Variants in IFNAR1 observed in about 807,000 individuals in gnomAD.
The protein encoded by IFNAR1 is interferon alpha/beta receptor 1.
A neutral mutation model predicts 62.1 loss-of-function variants in IFNAR1; 47 were observed. The observed-to-expected ratio is 0.76, with a 90% CI of 0.60 to 0.97. The LOEUF (loss-of-function observed/expected upper bound fraction) is 0.97. Ranked by LOEUF, IFNAR1 falls within the 50% of genes least tolerant of loss-of-function variation. IFNAR1 has a pLI of 0.00. For missense variants in IFNAR1, 638 were observed against 654.5 expected (o/e 0.97, Z 0.27); for synonymous variants, 219 against 226.9 (o/e 0.97, Z 0.31).
chr21:33,336,516 T>A (rs2123670990), intron 2 of IFNAR1, among the ~76,000 whole-genome samples: 1 of 151,172 alleles, frequency 6.6e-6, no homozygotes, highest in East Asian at 2.0e-4. Flanking sequence ...TCCACAATGG[T>A]TGAACTAGTT....
chr21:33,349,922 TA>T lies in IFNAR1; in HGVS notation c.1143+391del, dbSNP rs113802899. On this transcript the variant is annotated intron_variant, in intron 8 of 10. Transcript: ENST00000270139. ...GACAGAGTGACTGACAGCTTGTCTTTAAAAAAAAAAAATGTGATTAACTCAG... is the reference window on the plus strand; with the variant it reads ...GACAGAGTGACTGACAGCTTGTCTTTAAAAAAAAAAATGTGATTAACTCAG... 2.2e-3 allele frequency among the ~76,000 whole-genome samples: 313 copies of T among 145,394 alleles called. 3 individuals carry two copies. Among genetic ancestry groups the T allele is most frequent in the African/African-American group, 5.1e-3 (203 of 39,894 alleles).
chr21:33,325,068 C>G lies in IFNAR1; in HGVS notation c.13C>G (p.Leu5Val), dbSNP rs1401132041. The change falls in exon 1 of 11, where the codon CTC becomes GTC. Residue 5 changes from leucine (L) to valine (V), a missense_variant. Transcript: ENST00000270139. ...CGGCGGCTCCCAGATGATGGTCGTC[C>G]TCCTGGGCGCGACGACCCTAGTGCT... Reference protein sequence around the residue: MMVVLLGATTLVLVA... With the variant: MMVVVLGATTLVLVA... 1 of 1,607,300 alleles carries G rather than the reference C, an allele frequency of 6.2e-7. No homozygotes were observed. Among genetic ancestry groups the G allele is most frequent in the Non-Finnish European group, 8.5e-7 (1 of 1,177,916 alleles).
chr21:33,326,861 T>A (rs529351854), intron 1 of IFNAR1, among the ~76,000 whole-genome samples: 13 of 152,236 alleles, frequency 8.5e-5, no homozygotes, highest in Admixed American at 2.6e-4. Context: ...TTGCTGAAAT[T>A]CTTCATACTT....
chr21:33,353,570 C>A, intron 9 of IFNAR1, 68 bp from the exon 10 acceptor site: 1 of 813,854 alleles, frequency 1.2e-6, no homozygotes, highest in Non-Finnish European at 1.9e-6. Flanking sequence ...GTCTTTCACA[C>A]AGCTGTCAGC....
At chr21:33,332,734 T>C (rs561905038) in intron 1 of IFNAR1, among the ~76,000 whole-genome samples, 1 of 152,174 alleles carries the variant, frequency 6.6e-6, no homozygotes, top group East Asian at 1.9e-4. Flanking sequence ...ATTTAAAAAA[T>C]ACAATAAAGA....
At chr21:33,345,057 G>A (rs2083332545) in intron 5 of IFNAR1, among the ~76,000 whole-genome samples, 189 bp from the exon 6 acceptor site, 3 of 152,140 alleles carry the variant, frequency 2.0e-5, no homozygotes, top group African/African-American at 7.2e-5. Context: ...CAAAGTTCTG[G>A]GATTACAGGT....
At chr21:33,325,681 G>A (rs1441398261) in intron 1 of IFNAR1, among the ~76,000 whole-genome samples, 1 of 152,188 alleles carries the variant, frequency 6.6e-6, no homozygotes, top group Non-Finnish European at 1.5e-5. Flanking sequence ...CCACAAACAC[G>A]TCTGTGACTG....
intron 5 of IFNAR1, among the ~76,000 whole-genome samples, chr21:33,345,031 A>G (rs1402111938): frequency 6.6e-6 from 1 of 152,060 alleles, no homozygotes; most frequent in Non-Finnish European, 1.5e-5. Flanking sequence ...CAGGTGATCC[A>G]TCCACCTCAG....
chr21:33,347,031 C>A (rs940635073), intron 6 of IFNAR1, among the ~76,000 whole-genome samples: 3 of 152,044 alleles, frequency 2.0e-5, no homozygotes, highest in Non-Finnish European at 4.4e-5. Context: ...ACTTGGGGGC[C>A]GCTCCCAAGC....
intron 2 of IFNAR1, among the ~76,000 whole-genome samples, chr21:33,337,109 C>T (rs930519101): frequency 2.6e-5 from 4 of 151,700 alleles, no homozygotes; most frequent in African/African-American, 9.7e-5. Flanking sequence ...TGTAATCCCA[C>T]CTACTTGGGA....
intron 6 of IFNAR1, among the ~76,000 whole-genome samples, chr21:33,346,359 G>A (rs2083346498): frequency 6.6e-6 from 1 of 152,140 alleles, no homozygotes; most frequent in Non-Finnish European, 1.5e-5. Context: ...GAAGGGAAGT[G>A]TAAGTACCGC....
intron 5 of IFNAR1, 23 bp downstream of exon 5, chr21:33,343,699 G>A (rs755936560): frequency 2.0e-6 from 3 of 1,529,846 alleles, no homozygotes; most frequent in Non-Finnish European, 2.7e-6. Context: ...TTTTGTTTTA[G>A]ATTCAATAAA....
rs753896436 is a variant in IFNAR1, at chr21:33,325,094, C to T, written c.39C>T (p.Leu13=). 9 of 1,611,038 alleles carry T rather than the reference C, an allele frequency of 5.6e-6. No homozygotes were observed. In the South Asian group the frequency reaches 6.6e-5, roughly 12 times the overall value. The change falls in exon 1 of 11, where the codon CTC becomes CTT. Residue 13 remains leucine (L), a synonymous_variant. Transcript: ENST00000270139. Reference sequence around the variant, plus strand: ...TCCTGGGCGCGACGACCCTAGTGCTCGTCGCCGTGGCGCCATGGGTGTTGT... The same window carrying T: ...TCCTGGGCGCGACGACCCTAGTGCTTGTCGCCGTGGCGCCATGGGTGTTGT... ...VVLLGATTLV[L]VAVAPWVLSA... is the part of the protein sequence containing the mutation.
intron 1 of IFNAR1, among the ~76,000 whole-genome samples, chr21:33,334,075 C>A (rs982501388): frequency 6.6e-6 from 1 of 151,946 alleles, no homozygotes; most frequent in African/African-American, 2.4e-5. Flanking sequence ...ACTGTAAAAA[C>A]AGACAAAGAA....
At chr21:33,348,811 A>G (rs1055065054) in intron 6 of IFNAR1, among the ~76,000 whole-genome samples, 3 of 152,160 alleles carry the variant, frequency 2.0e-5, no homozygotes, top group African/African-American at 7.2e-5. Context: ...TCAAAAAAAA[A>G]GCCAAAAAAA....
intron 2 of IFNAR1, among the ~76,000 whole-genome samples, chr21:33,335,975 A>C (rs2083230701): frequency 6.8e-6 from 1 of 146,718 alleles, no homozygotes; most frequent in Admixed American, 6.9e-5. Context: ...CACAATGTGC[A>C]GGTTAGTTAC....
In IFNAR1 at chr21:33,351,997, C is replaced by T. The variant is rs1367073452; in HGVS notation, c.1144-761C>T. On this transcript the variant is annotated intron_variant, in intron 8 of 10. Transcript: ENST00000270139. ...AGGTGTGACCCACCGGCTTGTTAGA[C>T]ATTATTCTGGCGATAGCTGACTGAT... Among the ~76,000 whole-genome samples, 3 of 151,932 alleles carry T rather than the reference C, an allele frequency of 2.0e-5. No individual in the cohort carries two copies. The East Asian group carries it at 5.8e-4, about 29-fold the overall frequency.
intron 1 of IFNAR1, chr21:33,335,044 C>G (rs1463755731): frequency 2.3e-6 from 3 of 1,281,268 alleles, no homozygotes; most frequent in Non-Finnish European, 3.4e-6. Flanking sequence ...GATGTCACCA[C>G]AAGGAGTACT....
Position 33,334,918 on chromosome 21 carries a change from G to C in IFNAR1, c.77-606G>C, listed in dbSNP as rs934152210. The C allele has an allele frequency of 5.2e-6, 8 of 1,552,168 alleles. No individual in the cohort carries two copies. In the African/African-American group the frequency reaches 1.1e-4, roughly 21 times the overall value. ...ACTATACTTTCCCACCCCTGCAGTG[G>C]GAGATGGGGCAGGGGGTACCACATC... On this transcript the variant is annotated intron_variant, in intron 1 of 10. Transcript: ENST00000270139.
Sources: gnomAD v4.1 joint callset for allele counts (sites outside exome capture counted in the v4.1 genomes callset) on GRCh38, gnomAD v4.1.1 for gene constraint, MANE v1.5 for transcripts, NCBI Gene and HGNC (gene_info 2026-07-23, HGNC 2026-07-21) for gene names.